The following MAP3K1 variants were observed in gnomAD, a reference collection of about 807,000 sequenced individuals.
MAP3K1 encodes mitogen-activated protein kinase kinase kinase 1.
MAP3K1 carries 36 observed loss-of-function variants against 144.2 expected under a neutral mutation model. That is an observed-to-expected ratio of 0.25 (90% CI 0.19 to 0.33). The LOEUF is 0.33. Ranked by LOEUF, MAP3K1 falls within the 10% of genes least tolerant of loss-of-function variation. The pLI, the probability that MAP3K1 is intolerant of heterozygous loss-of-function variation, is 1.00. For missense variants in MAP3K1, 1,650 were observed against 1,881.9 expected, an observed-to-expected ratio of 0.88 and a Z score of 2.28; for synonymous variants, 718 against 688.7, an observed-to-expected ratio of 1.04 and a Z score of -0.67.
intron 10 of MAP3K1, among the ~76,000 whole-genome samples, chr5:56,877,081 G>A (rs1748054961): frequency 1.3e-5 from 2 of 152,174 alleles, no homozygotes; most frequent in African/African-American, 4.8e-5. Flanking sequence ...AAGGATCAAA[G>A]GATAGAATGC....
intron 1 of MAP3K1, among the ~76,000 whole-genome samples, chr5:56,828,713 A>G (rs533675241): frequency 2.0e-5 from 3 of 152,298 alleles, no homozygotes; most frequent in African/African-American, 7.2e-5. Flanking sequence ...CAGTTTTTAA[A>G]GTAACTTTAA....
At chr5:56,821,826 C>T (rs1476567552) in intron 1 of MAP3K1, among the ~76,000 whole-genome samples, 2 of 152,340 alleles carry the variant, frequency 1.3e-5, no homozygotes, top group East Asian at 3.9e-4. Context: ...CATCTCCCAG[C>T]ATCTAGACTA....
chr5:56,874,173 T>A (rs1412266462), intron 9 of MAP3K1, among the ~76,000 whole-genome samples: 2 of 152,222 alleles, frequency 1.3e-5, no homozygotes, highest in East Asian at 3.8e-4. Context: ...AATATCCCTT[T>A]ATAACAAAAC....
chr5:56,887,942 T>A (rs1478798162), intron 18 of MAP3K1: 1 of 485,586 alleles, frequency 2.1e-6, no homozygotes, highest in Non-Finnish European at 3.7e-6. Flanking sequence ...TAATTCTTCA[T>A]GTTCATATGT....
At chr5:56,872,551 A>G (rs1453607022) in intron 7 of MAP3K1, 90 bp from the exon 8 acceptor site, 33 of 781,882 alleles carry the variant, frequency 4.2e-5, no homozygotes, top group South Asian at 2.6e-4. Context: ...GGTTCCTTCT[A>G]TATAAATTCT....
rs976824981 is a variant in MAP3K1 at position 56,888,447 on chromosome 5, A to G, written c.4389+90A>G. On this transcript the variant is annotated intron_variant, in intron 19 of 19. Coordinates refer to ENST00000399503, the MANE Select transcript of MAP3K1 (RefSeq NM_005921.2). ...AAATTTTGATGGGTTCTCCCTAACAATCTAGCATGAAGGTAAATAAATAGT... is the reference window on the plus strand; with the variant it reads ...AAATTTTGATGGGTTCTCCCTAACAGTCTAGCATGAAGGTAAATAAATAGT... 52 of 1,088,582 alleles carry G rather than the reference A, an allele frequency of 4.8e-5. 1 individual carries two copies. In the Middle Eastern group the frequency reaches 6.0e-4, roughly 13 times the overall value. The allele number at this position is 1,088,582 out of a possible 1,614,324, so 67.4% of individuals were successfully genotyped here. A position where few individuals can be genotyped will look rare whatever the true frequency, so the allele number is the denominator to read the frequency against.
At chr5:56,886,192 T>C in intron 17 of MAP3K1, 129 bp downstream of exon 17, 1 of 718,698 alleles carries the variant, frequency 1.4e-6, no homozygotes, top group Non-Finnish European at 2.4e-6. Context: ...TCACTTGAGG[T>C]CAGGAGCTCG....
intron 2 of MAP3K1, among the ~76,000 whole-genome samples, chr5:56,857,789 A>C (rs1747384880): frequency 6.6e-6 from 1 of 152,178 alleles, no homozygotes. Context: ...GTCTGACTTA[A>C]ATAACTCAAT....
chr5:56,815,613 T>C lies in MAP3K1; in HGVS notation c.40T>C (p.Phe14Leu). The stretch of plus-strand genomic sequence containing the variant: ...GGGGAATCGCGCCTCGTCGTCGGGA[T>C]TCCCGGGCGCCAGGGCTACGAGCCC... ...AAGNRASSSGFPGARATSPEA... is the reference protein window; with the variant it reads ...AAGNRASSSGLPGARATSPEA... Residue 14 changes from phenylalanine (F) to leucine (L), a missense_variant, in exon 1 of 20, where the codon TTC (phenylalanine) becomes CTC (leucine). Around this residue, in one of 6 missense-constraint regions of MAP3K1, gnomAD observed 360 missense variants for 274.7 expected, o/e 1.31. Coordinates refer to ENST00000399503, the MANE Select transcript of MAP3K1 (RefSeq NM_005921.2). 1 of 1,306,982 alleles carries C rather than the reference T, an allele frequency of 7.7e-7. No individual in the cohort carries two copies. The highest frequency in any genetic ancestry group is 9.7e-7 in the Non-Finnish European group (1 of 1,028,618). The allele number at this position is 1,306,982 out of a possible 1,614,324, so 81.0% of individuals were successfully genotyped here.
At chr5:56,844,182 G>GTTTTT (rs1561174026) in intron 1 of MAP3K1, among the ~76,000 whole-genome samples, 3 of 108,390 alleles carry the variant, frequency 2.8e-5, no homozygotes, top group Non-Finnish European at 4.1e-5. Context: ...TGTTTTTTTT[G>GTTTTT]GTTTTTTTTT....
Position 56,894,355 on chromosome 5 carries a change from C to G in MAP3K1, c.*675C>G, listed in dbSNP as rs1373887959. On this transcript the variant is annotated 3_prime_UTR_variant, in exon 20 of 20. Transcript: ENST00000399503. ...TTTTGTTTATTCAGGGAAAGCTGAT[C>G]TTTTTTTCAAACCAGAAAAAAAAAA... 4.3e-6 allele frequency: 1 copy of G among 230,276 alleles called. No homozygotes were observed. The highest frequency in any genetic ancestry group is 8.5e-6 in the Non-Finnish European group (1 of 117,086). The allele number at this position is 230,276 out of a possible 1,614,324, so 14.3% of individuals were successfully genotyped here. A position where few individuals can be genotyped will look rare whatever the true frequency, so the allele number is the denominator to read the frequency against.
chr5:56,856,525 T>G, intron 1 of MAP3K1, 75 bp from the exon 2 acceptor site: 1 of 1,246,338 alleles, frequency 8.0e-7, no homozygotes. Context: ...AATAGAACCA[T>G]CCATTCTGTT....
chr5:56,876,552 A>G (rs1221451977), intron 10 of MAP3K1, among the ~76,000 whole-genome samples: 2 of 152,148 alleles, frequency 1.3e-5, no homozygotes, highest in Non-Finnish European at 2.9e-5. Context: ...TCCAACCACA[A>G]TGCTTGCATA....
intron 3 of MAP3K1, among the ~76,000 whole-genome samples, chr5:56,861,446 C>T (rs1221387296): frequency 1.3e-5 from 2 of 151,936 alleles, no homozygotes; most frequent in South Asian, 2.1e-4. Flanking sequence ...GTGGCAGGCA[C>T]CTGTAATCCC....
Position 56,874,954 on chromosome 5 carries a change from A to G in MAP3K1, c.1687-78A>G, listed in dbSNP as rs1225800965. On this transcript the variant is annotated intron_variant, in intron 9 of 19. Coordinates refer to ENST00000399503, the MANE Select transcript of MAP3K1 (RefSeq NM_005921.2). Reference sequence around the variant, plus strand: ...ATGTCCAGTTTTTACGTAGTAATCAAAAATGATGCTAAACTCAAAATGCTC... The same window carrying G: ...ATGTCCAGTTTTTACGTAGTAATCAGAAATGATGCTAAACTCAAAATGCTC... 7 of 1,478,612 alleles carry G rather than the reference A, an allele frequency of 4.7e-6. No individual in the cohort carries two copies. The South Asian group carries it at 5.7e-5, about 12-fold the overall frequency. 91.6% of individuals were successfully genotyped at this position (1,478,612 alleles called of 1,614,324 possible).
At chr5:56,859,152 T>G (rs559775938) in intron 2 of MAP3K1, among the ~76,000 whole-genome samples, 8 of 151,798 alleles carry the variant, frequency 5.3e-5, no homozygotes, top group Non-Finnish European at 1.2e-4. Flanking sequence ...CTTTTGGTTT[T>G]CTGAGATACA....
intron 1 of MAP3K1, among the ~76,000 whole-genome samples, chr5:56,851,397 C>T (rs60478605): frequency 9.3e-4 from 141 of 152,220 alleles, no homozygotes; most frequent in African/African-American, 3.3e-3. Flanking sequence ...AAGAAGTTTC[C>T]TCCATTGCAG....
chr5:56,881,606 G>T lies in MAP3K1; in HGVS notation c.2406G>T (p.Leu802Phe). 7 of 1,613,582 alleles carry T rather than the reference G, an allele frequency of 4.3e-6. No individual in the cohort carries two copies. Among genetic ancestry groups the T allele is most frequent in the Non-Finnish European group, 5.9e-6 (7 of 1,179,816 alleles). The change falls in exon 14 of 20, where the codon TTG (leucine) becomes TTT (phenylalanine). Residue 802 changes from leucine (L) to phenylalanine (F), a missense_variant. Physicochemically the swap from Leu to Phe is conservative, Grantham distance 22 (BLOSUM62 0). Around this residue, in one of 6 missense-constraint regions of MAP3K1, gnomAD observed 841 missense variants for 886.5 expected, o/e 0.95. Coordinates refer to ENST00000399503, the MANE Select transcript of MAP3K1 (RefSeq NM_005921.2). ...KKLLSLLTFA[L>F]QSIDNSHSMV... ...TGCTGTCCCTCTTAACCTTTGCTTT[G>T]CAGTCCATTGATAATTCCCACTCAA...
In MAP3K1 at chr5:56,882,243, C is replaced by T. The variant is rs2111945047; in HGVS notation, c.3043C>T (p.Pro1015Ser). 1 of 1,613,964 alleles carries T rather than the reference C, an allele frequency of 6.2e-7. No individual in the cohort carries two copies. The highest frequency in any genetic ancestry group is 8.5e-7 in the Non-Finnish European group (1 of 1,179,848). ...TCAGGGATTCATTCCCTGCAGAATA[C>T]CTTCTGCATCTCCTCAAACACAGCG... is the stretch of plus-strand genomic sequence containing the variant. Reference protein sequence around the residue: ...RLQGFIPCRIPSASPQTQRKF... With the variant: ...RLQGFIPCRISSASPQTQRKF... Residue 1015 changes from proline (P) to serine (S), a missense_variant, in exon 14 of 20, where the codon CCT becomes TCT. Coordinates refer to ENST00000399503, the MANE Select transcript of MAP3K1 (RefSeq NM_005921.2).
Sources: gnomAD v4.1 joint callset for allele counts (sites outside exome capture counted in the v4.1 genomes callset) on GRCh38, gnomAD v4.1.1 for gene constraint, gnomAD v4.1.1 regional missense constraint, MANE v1.5 for transcripts, NCBI Gene and HGNC (gene_info 2026-07-23, HGNC 2026-07-21) for gene names.